The following CCT6B variants were observed in gnomAD, a reference collection of about 807,000 sequenced individuals.
The protein encoded by CCT6B is chaperonin containing TCP1 subunit 6B, also known as probable T-complex protein 1 subunit zeta-2.
Under a neutral mutation model 61.5 loss-of-function variants are expected in CCT6B, and 49 were observed. The ratio of observed to expected loss-of-function variants is 0.80; its 90% CI spans 0.63 to 1.01. The LOEUF is 1.01. Ranked by LOEUF, CCT6B falls within the 50% of genes least tolerant of loss-of-function variation. The pLI is 0.00. For missense variants in CCT6B, 666 were observed against 634.7 expected (o/e 1.05, Z -0.53); for synonymous variants, 228 against 214.5 (o/e 1.06, Z -0.55).
At position 34,942,686 on chromosome 17, in the gene CCT6B, A is replaced by G. The variant is rs570492800; in HGVS notation, c.726-43T>C. 1.9e-5 allele frequency: 29 copies of G among 1,536,552 alleles called. No individual in the cohort carries two copies. The African/African-American group carries it at 2.0e-4, about 10-fold the overall frequency. On this transcript the variant is annotated intron_variant, in intron 6 of 13. Transcript: ENST00000314144. ...ACCAGCTAGTAAAGGCAGGAGGAAA[A>G]AGGAAAAAAGATAGAAGTAGTCTAC...
chr17:34,930,612 ACT>A (rs1231590949), intron 12 of CCT6B, among the ~76,000 whole-genome samples: 1 of 151,580 alleles, frequency 6.6e-6, no homozygotes, highest in Non-Finnish European at 1.5e-5. Context: ...TTATTATAGC[ACT>A]CTTTTTTCCA....
At chr17:34,946,837 A>G (rs546137385) in intron 5 of CCT6B, among the ~76,000 whole-genome samples, 5 of 152,350 alleles carry the variant, frequency 3.3e-5, no homozygotes, top group Non-Finnish European at 7.4e-5. Flanking sequence ...TACAAGTACA[A>G]AACATATAAC....
At chr17:34,947,356 T>G (rs2090235625) in intron 5 of CCT6B, among the ~76,000 whole-genome samples, 1 of 152,118 alleles carries the variant, frequency 6.6e-6, no homozygotes, top group South Asian at 2.1e-4. Flanking sequence ...AGCTACATCA[T>G]AGTAAAAGTA....
intron 5 of CCT6B, among the ~76,000 whole-genome samples, chr17:34,944,696 G>T (rs1289048480): frequency 6.6e-6 from 1 of 152,248 alleles, no homozygotes. Context: ...GGAGGCCGAG[G>T]CAGGCGGATC....
chr17:34,939,316 G>T lies in CCT6B; in HGVS notation c.1080C>A (p.Phe360Leu). The change falls in exon 10 of 14, where the codon TTC becomes TTA. Residue 360 changes from phenylalanine to leucine, a missense_variant. Physicochemically the swap from Phe to Leu is conservative, Grantham distance 22. Transcript: ENST00000314144. The stretch of plus-strand genomic sequence containing the variant: ...GGTTAACACACTCCTCAATAAAAGT[G>T]AACTTTTCTTCACCCTAAAGGGTGG... ...VYEYTLGEEK[F>L]TFIEECVNPC... The T allele has an allele frequency of 6.2e-7, 1 of 1,612,552 alleles. No individual in the cohort carries two copies. Among genetic ancestry groups the T allele is most frequent in the South Asian group, 1.1e-5 (1 of 90,728 alleles).
intron 7 of CCT6B, among the ~76,000 whole-genome samples, chr17:34,941,726 G>C (rs1012385124): frequency 9.2e-5 from 14 of 152,104 alleles, no homozygotes; most frequent in African/African-American, 3.4e-4. Context: ...AATTACACAA[G>C]TGCTCTCCTT....
rs1270591997 is a variant in CCT6B, at chr17:34,954,411, AG to A, written c.510+14del. The A allele has an allele frequency of 2.5e-6, 4 of 1,578,238 alleles. No homozygotes were observed. Among genetic ancestry groups the A allele is most frequent in the Non-Finnish European group, 3.4e-6 (4 of 1,165,476 alleles). On this transcript the variant is annotated intron_variant, in intron 4 of 13. Coordinates refer to ENST00000314144, the MANE Select transcript of CCT6B (RefSeq NM_006584.4). ...AGGCTATATTTGTTCTGAATGCAAA[AG>A]TTTAATAACATACCTCTGTTAAGAC...
chr17:34,958,574 G>T lies in CCT6B; in HGVS notation c.322C>A (p.Leu108Met). 6.4e-7 allele frequency: 1 copy of T among 1,569,154 alleles called. No homozygotes were observed. Among genetic ancestry groups the T allele is most frequent in the African/African-American group, 1.4e-5 (1 of 73,740 alleles). ...AATTCTAATACCTCAGAAATGTACA[G>T]GTCAGCTTGTTTTAATAACTCTCCA... ...IIGELLKQAD[L>M]YISEGLHPRI... Residue 108 changes from leucine (L) to methionine (M), a missense_variant, in exon 3 of 14, where the codon CTG becomes ATG. Physicochemically the swap from Leu to Met is conservative, Grantham distance 15 (BLOSUM62 2). Coordinates refer to ENST00000314144, the MANE Select transcript of CCT6B (RefSeq NM_006584.4).
chr17:34,932,610 CAAAT>C, intron 10 of CCT6B, 110 bp from the exon 11 acceptor site: 1 of 930,796 alleles, frequency 1.1e-6, no homozygotes, highest in Non-Finnish European at 1.6e-6. Context: ...CTACAGAAAC[CAAAT>C]AAATTGCACA....
intron 5 of CCT6B, among the ~76,000 whole-genome samples, chr17:34,950,522 A>G (rs2090278734): frequency 6.6e-6 from 1 of 152,246 alleles, no homozygotes; most frequent in Non-Finnish European, 1.5e-5. Flanking sequence ...TGAACACTTT[A>G]TACCAAAAAT....
At position 34,929,051 on chromosome 17, in the gene CCT6B, A is replaced by C. The variant is rs1217752274; in HGVS notation, c.1451-17T>G. On this transcript the variant is annotated splice_polypyrimidine_tract_variant and intron_variant, in intron 12 of 13. Coordinates refer to ENST00000314144, the MANE Select transcript of CCT6B (RefSeq NM_006584.4). ...TTGGCTCACCTGAAAAGTAAAAACA[A>C]TTTTCATACCAAAATCTTAGTATTT... 4.0e-6 allele frequency: 6 copies of C among 1,503,786 alleles called. No individual in the cohort carries two copies. Among genetic ancestry groups the C allele is most frequent in the Non-Finnish European group, 1.8e-6 (2 of 1,083,978 alleles). 93.2% of individuals were successfully genotyped at this position (1,503,786 alleles called of 1,614,324 possible). A position where few individuals can be genotyped will look rare whatever the true frequency, so the allele number is the denominator to read the frequency against.
Position 34,950,940 on chromosome 17 carries a change from AAAGAAG to A in CCT6B, c.614+1004_614+1009del, listed in dbSNP as rs545814863. The stretch of plus-strand genomic sequence containing the variant: ...TGAGACTCCATCTCAAAAAAAAAAA[AAAGAAG>A]AAGAAGAAGAAGAAAATTGCATGAG... On this transcript the variant is annotated intron_variant, in intron 5 of 13. Transcript: ENST00000314144. 1.7e-3 allele frequency among the ~76,000 whole-genome samples: 259 copies of A among 151,886 alleles called. 2 individuals carry two copies. Among genetic ancestry groups the A allele is most frequent in the African/African-American group, 6.1e-3 (254 of 41,426 alleles).
rs1444539291 is a variant in CCT6B at position 34,932,483 on chromosome 17, C to G, written c.1231G>C (p.Ala411Pro). ...GCCATTGCCACTTCAATTGCACCAG[C>G]TCCAGGAACCATACAACCTATTGGA... The part of the protein sequence containing the change: ...AIEDGCMVPG[A>P]GAIEVAMAEA... The change falls in exon 11 of 14, where the codon GCT (alanine) becomes CCT (proline). Residue 411 changes from alanine to proline, a missense_variant. By Grantham distance (27) the Ala-to-Pro change is conservative. Transcript: ENST00000314144. 1 of 1,610,296 alleles carries G rather than the reference C, an allele frequency of 6.2e-7. No homozygotes were observed. The highest frequency in any genetic ancestry group is 2.2e-5 in the East Asian group (1 of 44,710).
rs2089986573 is a variant in CCT6B, at chr17:34,927,952, T to A, written c.*96A>T. 6.6e-6 allele frequency: 5 copies of A among 761,358 alleles called. No individual in the cohort carries two copies. The highest frequency in any genetic ancestry group is 1.1e-5 in the Non-Finnish European group (5 of 474,280). The allele number at this position is 761,358 out of a possible 1,614,324, so 47.2% of individuals were successfully genotyped here. ...CAAAAGACATAAACTGCATTTATTG[T>A]GTAGAAATTCAGAATGGCTCAGGCT... On this transcript the variant is annotated 3_prime_UTR_variant, in exon 14 of 14. Transcript: ENST00000314144.
intron 5 of CCT6B, among the ~76,000 whole-genome samples, chr17:34,945,305 TCTC>T (rs2090211207): frequency 1.3e-5 from 2 of 152,184 alleles, no homozygotes; most frequent in African/African-American, 4.8e-5. Context: ...TCGAGACACA[TCTC>T]TCCAAATTCC....
intron 10 of CCT6B, among the ~76,000 whole-genome samples, chr17:34,937,997 T>G (rs2090113861): frequency 6.6e-6 from 1 of 151,930 alleles, no homozygotes; most frequent in Non-Finnish European, 1.5e-5. Flanking sequence ...TCAAGTGATA[T>G]TCCTGCCTCA....
intron 3 of CCT6B, among the ~76,000 whole-genome samples, chr17:34,957,147 T>C (rs2090357026): frequency 6.8e-6 from 1 of 145,992 alleles, no homozygotes; most frequent in Admixed American, 6.8e-5. Context: ...CTTTCCATTT[T>C]TTTTTTTTTT....
intron 2 of CCT6B, among the ~76,000 whole-genome samples, chr17:34,959,269 G>A (rs7223117): frequency 0.21 from 30,631 of 149,216 alleles, 3,691 homozygotes; most frequent in East Asian, 0.55. Flanking sequence ...GACTATAGGC[G>A]TATGTCACCA....
chr17:34,947,229 T>C (rs538906550), intron 5 of CCT6B, among the ~76,000 whole-genome samples: 1 of 152,104 alleles, frequency 6.6e-6, no homozygotes, highest in African/African-American at 2.4e-5. Flanking sequence ...GAAGAAGGGA[T>C]GAACAAAAGA....
Sources: gnomAD v4.1 joint callset for allele counts (sites outside exome capture counted in the v4.1 genomes callset) on GRCh38, gnomAD v4.1.1 for gene constraint, MANE v1.5 for transcripts, NCBI Gene and HGNC (gene_info 2026-07-23, HGNC 2026-07-21) for gene names.